GMDS: variants seen among roughly 807,000 people sequenced by gnomAD.
GMDS encodes the protein GDP-mannose 4,6 dehydratase.
A neutral mutation model predicts 49.9 loss-of-function variants in GMDS; 20 were observed. The ratio of observed to expected loss-of-function variants is 0.40; its 90% CI spans 0.28 to 0.58. GMDS has a LOEUF of 0.58. GMDS is among the 20% of genes least tolerant of loss of function. The pLI, the probability that GMDS is intolerant of heterozygous loss-of-function variation, is 0.42. For missense variants in GMDS, 362 were observed against 481.4 expected (o/e 0.75, Z 2.32); for synonymous variants, 177 against 178.6 (o/e 0.99, Z 0.07).
chr6:1,973,745 A>T (rs747993022), intron 4 of GMDS, among the ~76,000 whole-genome samples: 2 of 152,208 alleles, frequency 1.3e-5, no homozygotes, highest in African/African-American at 2.4e-5. Flanking sequence ...GGAAGAGAGC[A>T]ATAACCTTGG....
chr6:1,848,539 T>C (rs1350531139), intron 7 of GMDS, among the ~76,000 whole-genome samples: 1 of 152,238 alleles, frequency 6.6e-6, no homozygotes, highest in Non-Finnish European at 1.5e-5. Flanking sequence ...ACAAAGTTTT[T>C]TGGTTTTCTT....
intron 1 of GMDS, among the ~76,000 whole-genome samples, chr6:2,218,710 A>C (rs1407962940): frequency 6.6e-6 from 1 of 152,184 alleles, no homozygotes; most frequent in Non-Finnish European, 1.5e-5. Context: ...TATATATCTT[A>C]ATGTGCATTC....
At chr6:1,652,838 C>T (rs1763757541) in intron 9 of GMDS, among the ~76,000 whole-genome samples, 1 of 136,238 alleles carries the variant, frequency 7.3e-6, no homozygotes, top group African/African-American at 2.8e-5. Context: ...TCCGGACCTG[C>T]TGTTTGTCCT....
intron 7 of GMDS, among the ~76,000 whole-genome samples, chr6:1,837,816 A>T (rs1756993623): frequency 6.6e-6 from 1 of 152,180 alleles, no homozygotes; most frequent in African/African-American, 2.4e-5. Flanking sequence ...GCACTTTCCC[A>T]CAGGTCTGGA....
intron 7 of GMDS, among the ~76,000 whole-genome samples, chr6:1,756,789 T>C (rs1554115868): frequency 6.6e-6 from 1 of 152,214 alleles, no homozygotes; most frequent in Non-Finnish European, 1.5e-5. Context: ...CATTGTTCAT[T>C]AGTCTAGACG....
chr6:2,120,580 TTAATA>T (rs1231668451), intron 2 of GMDS, among the ~76,000 whole-genome samples: 1 of 152,192 alleles, frequency 6.6e-6, no homozygotes, highest in Non-Finnish European at 1.5e-5. Flanking sequence ...ACCAAGTTAT[TTAATA>T]TATTTTCATA....
intron 6 of GMDS, among the ~76,000 whole-genome samples, chr6:1,939,210 TGTTA>T (rs1246696620): frequency 6.6e-6 from 1 of 152,272 alleles, no homozygotes; most frequent in African/African-American, 2.4e-5. Context: ...ATTTATTACT[TGTTA>T]TTTATGCTGA....
intron 1 of GMDS, among the ~76,000 whole-genome samples, chr6:2,162,886 G>A (rs947281909): frequency 4.6e-5 from 7 of 152,152 alleles, no homozygotes; most frequent in Non-Finnish European, 5.9e-5. Flanking sequence ...TGGGGCCACT[G>A]CAATTTCAGT....
At chr6:1,934,423 G>A (rs908499627) in intron 6 of GMDS, among the ~76,000 whole-genome samples, 3 of 152,158 alleles carry the variant, frequency 2.0e-5, no homozygotes, top group African/African-American at 7.2e-5. Context: ...ACACCAACAG[G>A]GATTCTGAAA....
At chr6:1,644,385 C>T (rs909344564) in intron 9 of GMDS, among the ~76,000 whole-genome samples, 3 of 152,200 alleles carry the variant, frequency 2.0e-5, no homozygotes, top group Non-Finnish European at 4.4e-5. Context: ...TTCCTGTTGG[C>T]GTCTCACCAT....
chr6:1,871,120 C>A (rs1196577241), intron 7 of GMDS, among the ~76,000 whole-genome samples: 1 of 151,868 alleles, frequency 6.6e-6, no homozygotes, highest in Admixed American at 6.6e-5. Context: ...TGAACATCCA[C>A]AAGGAGAGTT....
At chr6:1,672,425 G>A (rs1422724740) in intron 9 of GMDS, among the ~76,000 whole-genome samples, 1 of 152,210 alleles carries the variant, frequency 6.6e-6, no homozygotes, top group East Asian at 1.9e-4. Flanking sequence ...GTTTTTTGCA[G>A]TTCCTGCAGG....
intron 7 of GMDS, among the ~76,000 whole-genome samples, chr6:1,857,770 T>C (rs1377281815): frequency 1.3e-5 from 2 of 152,208 alleles, no homozygotes; most frequent in Non-Finnish European, 2.9e-5. Context: ...GTTTTGTTTA[T>C]TAATAAAAAT....
At chr6:1,882,227 C>T (rs1759396241) in intron 7 of GMDS, among the ~76,000 whole-genome samples, 1 of 152,144 alleles carries the variant, frequency 6.6e-6, no homozygotes, top group Non-Finnish European at 1.5e-5. Flanking sequence ...CCCTTGGTCC[C>T]TCAGAGCTGG....
chr6:1,627,272 T>C (rs1317475304), intron 9 of GMDS, among the ~76,000 whole-genome samples: 1 of 152,234 alleles, frequency 6.6e-6, no homozygotes, highest in African/African-American at 2.4e-5. Context: ...CAATGGTTCA[T>C]CCTGCAAGGT....
chr6:1,655,986 T>C (rs1763868102), intron 9 of GMDS, among the ~76,000 whole-genome samples: 1 of 152,134 alleles, frequency 6.6e-6, no homozygotes, highest in Non-Finnish European at 1.5e-5. Flanking sequence ...GTCATACATG[T>C]GGAGGCTGAG....
intron 8 of GMDS, among the ~76,000 whole-genome samples, chr6:1,734,731 A>T (rs1284929431): frequency 6.6e-6 from 1 of 152,258 alleles, no homozygotes; most frequent in African/African-American, 2.4e-5. Context: ...ATTACTTAAT[A>T]GGGAGGCTCC....
At chr6:1,997,659 T>C (rs1766378752) in intron 4 of GMDS, among the ~76,000 whole-genome samples, 1 of 151,944 alleles carries the variant, frequency 6.6e-6, no homozygotes, top group African/African-American at 2.4e-5. Flanking sequence ...TCCCAGGAAA[T>C]ACACCTGGAA....
intron 7 of GMDS, among the ~76,000 whole-genome samples, chr6:1,916,540 AAGAG>A (rs952850235): frequency 6.6e-5 from 10 of 152,032 alleles, no homozygotes; most frequent in African/African-American, 2.2e-4. Context: ...GAGTGAAAGA[AAGAG>A]AGAGAGACGA....
Sources: allele counts gnomAD v4.1 joint callset (sites outside exome capture counted in the v4.1 genomes callset), GRCh38; gene constraint gnomAD v4.1.1; transcripts MANE v1.5; gene names NCBI Gene and HGNC (gene_info 2026-07-23, HGNC 2026-07-21).